MTX1: variants seen among roughly 807,000 people sequenced by gnomAD.
MTX1 encodes the protein metaxin-1.
A neutral mutation model predicts 39.4 loss-of-function variants in MTX1; 20 were observed. That is an observed-to-expected ratio of 0.51 (90% CI 0.36 to 0.74). The LOEUF (loss-of-function observed/expected upper bound fraction) is 0.74, where lower values mean the gene tolerates loss of function less well. MTX1 is among the 30% of genes least tolerant of loss of function. The pLI is 0.00. For synonymous variants in MTX1, 209 were observed against 198.6 expected, an observed-to-expected ratio of 1.05 and a Z score of -0.44; for missense variants, 481 against 485.9, an observed-to-expected ratio of 0.99 and a Z score of 0.10.
rs987304592 is a variant in MTX1 at position 155,209,137 on chromosome 1, G to T, written c.333G>T (p.Gly111=). ...CCAGAAGAAGCCTCGCCTCCCCGGG[G>T]ATCTCCCCAGGCCCCCTGACCGCAA... ...SRARRSLASP[G]ISPGPLTATI... is the part of the protein sequence containing the mutation. The change falls in exon 1 of 8, where the codon GGG becomes GGT. Residue 111 remains glycine (G), a synonymous_variant. Coordinates refer to ENST00000368376, the MANE Select transcript of MTX1 (RefSeq NM_002455.5). The T allele has an allele frequency of 3.9e-6, 6 of 1,539,860 alleles. No individual in the cohort carries two copies. Among genetic ancestry groups the T allele is most frequent in the Non-Finnish European group, 5.3e-6 (6 of 1,141,508 alleles).
At chr1:155,210,731 G>T in intron 3 of MTX1, 104 bp downstream of exon 3, 1 of 1,063,654 alleles carries the variant, frequency 9.4e-7, no homozygotes, top group South Asian at 1.3e-5. Flanking sequence ...AGATGCAGGT[G>T]ACCCAGAGCA....
chr1:155,212,414 C>T lies in MTX1; in HGVS notation c.801C>T (p.Asn267=). The T allele has an allele frequency of 6.2e-7, 1 of 1,614,232 alleles. No individual in the cohort carries two copies. ...ATACTTTTTGGATAGACACCAAGAA[C>T]TACGTGGAAGTGACCCGGAAGTGGT... ...LVHTFWIDTK[N]YVEVTRKWYA... Residue 267 remains asparagine (N), a synonymous_variant, in exon 5 of 8, where the codon AAC becomes AAT. Coordinates refer to ENST00000368376, the MANE Select transcript of MTX1 (RefSeq NM_002455.5).
chr1:155,209,275 C>G lies in MTX1; in HGVS notation c.471C>G (p.Phe157Leu), dbSNP rs1345132588. 6.9e-7 allele frequency: 1 copy of G among 1,450,114 alleles called. No homozygotes were observed. Among genetic ancestry groups the G allele is most frequent in the South Asian group, 1.5e-5 (1 of 68,052 alleles). 89.8% of individuals were successfully genotyped at this position (1,450,114 alleles called of 1,614,324 possible). Reference protein sequence around the residue: ...VGKMAAPMELFCWSGGWGLPS... With the variant: ...VGKMAAPMELLCWSGGWGLPS... The stretch of plus-strand genomic sequence containing the variant: ...AGATGGCGGCGCCCATGGAGCTGTT[C>G]TGCTGGTCAGGGGGCTGGGGGCTGC... Residue 157 changes from phenylalanine (F) to leucine (L), a missense_variant, in exon 1 of 8, where the codon TTC becomes TTG. By Grantham distance (22) the Phe-to-Leu change is conservative (BLOSUM62 0). Coordinates refer to ENST00000368376, the MANE Select transcript of MTX1 (RefSeq NM_002455.5).
chr1:155,209,234 G>C lies in MTX1; in HGVS notation c.430G>C (p.Gly144Arg). The C allele has an allele frequency of 6.9e-7, 1 of 1,449,730 alleles. No individual in the cohort carries two copies. Among genetic ancestry groups the C allele is most frequent in the Non-Finnish European group, 9.1e-7 (1 of 1,097,860 alleles). 89.8% of individuals were successfully genotyped at this position (1,449,730 alleles called of 1,614,324 possible). A position where few individuals can be genotyped will look rare whatever the true frequency, so the allele number is the denominator to read the frequency against. The part of the protein sequence containing the change: ...RAEAHKEVFP[G>R]QRVGKMAAPM... ...AGAAGCACACAAGGAAGTGTTTCCG[G>C]GACAGAGGGTGGGCAAGATGGCGGC... The change falls in exon 1 of 8, where the codon GGA (glycine) becomes CGA (arginine). Residue 144 changes from glycine (G) to arginine (R), a missense_variant. Physicochemically the swap from Gly to Arg is moderately radical, Grantham distance 125 (BLOSUM62 -2). Transcript: ENST00000368376.
intron 4 of MTX1, 53 bp downstream of exon 4, chr1:155,212,272 AAC>A (rs1410476946): frequency 1.2e-5 from 19 of 1,595,506 alleles, no homozygotes; most frequent in Non-Finnish European, 1.6e-5. Flanking sequence ...AGGGTTCGGG[AAC>A]ACACAGACCC....
In MTX1 at chr1:155,209,125, C is replaced by G. The variant is rs1314316705; in HGVS notation, c.321C>G (p.Leu107=). 1 of 1,541,814 alleles carries G rather than the reference C, an allele frequency of 6.5e-7. No homozygotes were observed. The highest frequency in any genetic ancestry group is 8.8e-7 in the Non-Finnish European group (1 of 1,142,778). ...SSAASRARRS[L]ASPGISPGPL... is the part of the protein sequence containing the mutation. ...CTGCCAGTCGGGCCAGAAGAAGCCT[C>G]GCCTCCCCGGGGATCTCCCCAGGCC... is the stretch of plus-strand genomic sequence containing the variant. Residue 107 remains leucine, a synonymous_variant, in exon 1 of 8, where the codon CTC becomes CTG. Transcript: ENST00000368376.
Position 155,209,289 on chromosome 1 carries a change from G to A in MTX1, c.485G>A (p.Gly162Asp). ...ATGGAGCTGTTCTGCTGGTCAGGGGGCTGGGGGCTGCCGTCAGTGGACCTG... is the reference window on the plus strand; with the variant it reads ...ATGGAGCTGTTCTGCTGGTCAGGGGACTGGGGGCTGCCGTCAGTGGACCTG... Reference protein sequence around the residue: ...APMELFCWSGGWGLPSVDLDS... With the variant: ...APMELFCWSGDWGLPSVDLDS... The change falls in exon 1 of 8, where the codon GGC becomes GAC. Residue 162 changes from glycine (G) to aspartate (D), a missense_variant. Physicochemically the swap from Gly to Asp is moderately conservative, Grantham distance 94. This residue lies in a region of MTX1 where 368 missense variants were observed against 332.8 expected (regional missense o/e 1.11). Transcript: ENST00000368376. 1 of 1,440,414 alleles carries A rather than the reference G, an allele frequency of 6.9e-7. No individual in the cohort carries two copies. The highest frequency in any genetic ancestry group is 9.1e-7 in the Non-Finnish European group (1 of 1,096,366). The allele number at this position is 1,440,414 out of a possible 1,614,324, so 89.2% of individuals were successfully genotyped here. A position where few individuals can be genotyped will look rare whatever the true frequency, so the allele number is the denominator to read the frequency against.
In MTX1 at chr1:155,208,821, C is replaced by G. The variant is rs770105309; in HGVS notation, c.17C>G (p.Pro6Arg). ...GTGGAAAACATGCTGCTCGGGGGAC[C>G]CCCCCGCAGTCCCCGCTCGGGGACG... is the stretch of plus-strand genomic sequence containing the variant. Reference protein sequence around the residue: MLLGGPPRSPRSGTSP... With the variant: MLLGGRPRSPRSGTSP... Residue 6 changes from proline (P) to arginine (R), a missense_variant, in exon 1 of 8, where the codon CCC becomes CGC. By Grantham distance (103) the Pro-to-Arg change is moderately radical. This residue lies in a region of MTX1 where 368 missense variants were observed against 332.8 expected (regional missense o/e 1.11). Coordinates refer to ENST00000368376, the MANE Select transcript of MTX1 (RefSeq NM_002455.5). The G allele has an allele frequency of 6.4e-7, 1 of 1,565,748 alleles. No individual in the cohort carries two copies. The highest frequency in any genetic ancestry group is 1.9e-5 in the Admixed American group (1 of 52,918).
rs770105309 is a variant in MTX1 at position 155,208,821 on chromosome 1, C to A, written c.17C>A (p.Pro6His). ...GTGGAAAACATGCTGCTCGGGGGACCCCCCCGCAGTCCCCGCTCGGGGACG... is the reference window on the plus strand; with the variant it reads ...GTGGAAAACATGCTGCTCGGGGGACACCCCCGCAGTCCCCGCTCGGGGACG... MLLGG[P>H]PRSPRSGTSP... The change falls in exon 1 of 8, where the codon CCC becomes CAC. Residue 6 changes from proline (P) to histidine (H), a missense_variant. By Grantham distance (77) the Pro-to-His change is moderately conservative. Transcript: ENST00000368376. The A allele has an allele frequency of 3.2e-6, 5 of 1,565,630 alleles. No homozygotes were observed. Among genetic ancestry groups the A allele is most frequent in the East Asian group, 2.3e-5 (1 of 43,146 alleles).
chr1:155,212,288 C>T, intron 4 of MTX1, 69 bp downstream of exon 4: 3 of 1,595,040 alleles, frequency 1.9e-6, no homozygotes, highest in Non-Finnish European at 2.6e-6. Context: ...CAGACCCACA[C>T]ACAGGCTCAG....
rs898325791 is a variant in MTX1, at chr1:155,210,771, A to G, written c.678+144A>G. ...GGAGCAACAGTCTTGTGGCAGAGACACACACAATGTCACTGTGATGTATTA... is the reference window on the plus strand; with the variant it reads ...GGAGCAACAGTCTTGTGGCAGAGACGCACACAATGTCACTGTGATGTATTA... On this transcript the variant is annotated intron_variant, in intron 3 of 7. Coordinates refer to ENST00000368376, the MANE Select transcript of MTX1 (RefSeq NM_002455.5). 4.0e-6 allele frequency: 3 copies of G among 748,818 alleles called. No homozygotes were observed. In the Admixed American group the frequency reaches 6.6e-5, roughly 16 times the overall value. The allele number at this position is 748,818 out of a possible 1,614,324, so 46.4% of individuals were successfully genotyped here.
chr1:155,208,729 C>A lies in MTX1; in HGVS notation c.-76C>A. On this transcript the variant is annotated 5_prime_UTR_variant, in exon 1 of 8. Transcript: ENST00000368376. Reference sequence around the variant, plus strand: ...CCAGCCCGGCCTCCGCTCCGGCCGCCGCCACCGCCCCTGTTTTGTTTCCAT... The same window carrying A: ...CCAGCCCGGCCTCCGCTCCGGCCGCAGCCACCGCCCCTGTTTTGTTTCCAT... The A allele has an allele frequency of 7.1e-7, 1 of 1,399,376 alleles. No homozygotes were observed. The highest frequency in any genetic ancestry group is 9.3e-7 in the Non-Finnish European group (1 of 1,070,512). The allele number at this position is 1,399,376 out of a possible 1,614,324, so 86.7% of individuals were successfully genotyped here.
Position 155,212,280 on chromosome 1 carries a change from G to A in MTX1, c.771+61G>A, listed in dbSNP as rs1671155972. On this transcript the variant is annotated intron_variant, in intron 4 of 7. Transcript: ENST00000368376. ...GCCGGGGAGGGTTCGGGAACACACA[G>A]ACCCACACACAGGCTCAGGAAAGCA... The A allele has an allele frequency of 1.9e-6, 3 of 1,595,044 alleles. No individual in the cohort carries two copies. In the Admixed American group the frequency reaches 5.1e-5, roughly 27 times the overall value.
rs766632329 is a variant in MTX1 at position 155,210,552 on chromosome 1, T to G, written c.603T>G (p.Thr201=). 2 of 1,614,060 alleles carry G rather than the reference T, an allele frequency of 1.2e-6. No homozygotes were observed. Among genetic ancestry groups the G allele is most frequent in the African/African-American group, 1.3e-5 (1 of 74,928 alleles). The change falls in exon 3 of 8, where the codon ACT becomes ACG. Residue 201 remains threonine, a synonymous_variant. Transcript: ENST00000368376. The part of the protein sequence containing the change: ...ISNPWQSPSG[T]LPALRTSHGE... ...ATACTTCCCTCTCAATATCAGGAAC[T>G]CTGCCTGCCCTTCGGACCAGTCATG...
chr1:155,210,325 C>T (rs1161739731), intron 1 of MTX1, 21 bp from the exon 2 acceptor site: 1 of 1,610,910 alleles, frequency 6.2e-7, no homozygotes, highest in Non-Finnish European at 8.5e-7. Context: ...GCCTCTCTGA[C>T]TTCTGCTTCC....
chr1:155,210,510 C>T, intron 2 of MTX1, 38 bp from the exon 3 acceptor site: 1 of 1,610,100 alleles, frequency 6.2e-7, no homozygotes, highest in South Asian at 1.1e-5. Context: ...GACTAGGCAG[C>T]TAAGGGTCTG....
intron 3 of MTX1, chr1:155,211,906 T>G (rs1671142033): frequency 4.7e-6 from 2 of 429,986 alleles, no homozygotes; most frequent in Non-Finnish European, 8.3e-6. Flanking sequence ...CATTGGGCGC[T>G]GGACCTTCAC....
intron 3 of MTX1, chr1:155,211,312 C>T (rs1218369235): frequency 1.3e-5 from 2 of 152,858 alleles, no homozygotes; most frequent in African/African-American, 4.8e-5. Flanking sequence ...CTGGCAGAGC[C>T]GAGGCCACTG....
chr1:155,212,016 C>G lies in MTX1; in HGVS notation c.679-111C>G, dbSNP rs1671145142. The G allele has an allele frequency of 3.2e-6, 3 of 936,310 alleles. No homozygotes were observed. The African/African-American group carries it at 5.0e-5, about 16-fold the overall frequency. The allele number at this position is 936,310 out of a possible 1,614,324, so 58.0% of individuals were successfully genotyped here. On this transcript the variant is annotated intron_variant, in intron 3 of 7. Coordinates refer to ENST00000368376, the MANE Select transcript of MTX1 (RefSeq NM_002455.5). ...TGGCAGGAAAAGTTCCTTGCTGTAC[C>G]TCCACTGCACTCAGAGGCCAGTGAG...
Sources: allele counts gnomAD v4.1 joint callset, GRCh38; gene constraint gnomAD v4.1.1; regional missense constraint gnomAD v4.1.1; transcripts MANE v1.5; gene names NCBI Gene and HGNC (gene_info 2026-07-23, HGNC 2026-07-21).